The following PTPRD variants were observed in gnomAD, a reference collection of about 807,000 sequenced individuals.
PTPRD encodes the protein receptor-type tyrosine-protein phosphatase delta.
A neutral mutation model predicts 214.5 loss-of-function variants in PTPRD; 34 were observed. The ratio of observed to expected loss-of-function variants is 0.16; its 90% confidence interval spans 0.12 to 0.21. The LOEUF (loss-of-function observed/expected upper bound fraction) is 0.21. Ranked by LOEUF, PTPRD falls within the 10% of genes least tolerant of loss-of-function variation. The pLI is 1.00. For synonymous variants in PTPRD, 1,128 were observed against 845.7 expected (o/e 1.33, Z -5.79); for missense variants, 2,545 against 2,398.7 (o/e 1.06, Z -1.27).
intron 8 of PTPRD, among the ~76,000 whole-genome samples, chr9:9,430,952 A>G (rs1430324473): frequency 6.6e-6 from 1 of 152,238 alleles, no homozygotes; most frequent in East Asian, 1.9e-4. Context: ...TAAAAATCTT[A>G]GAAGAAAACC....
intron 2 of PTPRD, among the ~76,000 whole-genome samples, chr9:10,549,276 T>A (rs2060798877): frequency 6.6e-6 from 1 of 152,182 alleles, no homozygotes; most frequent in Non-Finnish European, 1.5e-5. Context: ...AATAACCCTG[T>A]TAGACTTCTA....
rs542334399 is a variant in PTPRD at position 10,430,090 on chromosome 9, C to T, written c.-599-89073G>A. ...TTAAGAGTTATGTTCTCCATAAATG[C>T]CTCAGCTTGAGTAAATGTAGAACAA... On this transcript the variant is annotated intron_variant, in intron 2 of 45. Transcript: ENST00000381196. Among the ~76,000 whole-genome samples, 20 of 151,922 alleles carry T rather than the reference C, an allele frequency of 1.3e-4. No homozygotes were observed. In the South Asian group the frequency reaches 3.3e-3, roughly 25 times the overall value.
intron 5 of PTPRD, among the ~76,000 whole-genome samples, chr9:9,772,246 G>A (rs1356624508): frequency 6.6e-6 from 1 of 152,040 alleles, no homozygotes; most frequent in Non-Finnish European, 1.5e-5. Flanking sequence ...ACGAGACAAG[G>A]AGAAAGACTC....
chr9:8,822,559 G>C (rs1016323887), intron 11 of PTPRD, among the ~76,000 whole-genome samples: 3 of 152,184 alleles, frequency 2.0e-5, no homozygotes, highest in Non-Finnish European at 4.4e-5. Context: ...TACCACAGGA[G>C]AAGGGATGAT....
Position 9,541,734 on chromosome 9 carries a change from G to A in PTPRD, c.-237+32998C>T, listed in dbSNP as rs1207370779. 1.1e-4 allele frequency among the ~76,000 whole-genome samples: 17 copies of A among 151,974 alleles called. No homozygotes were observed. The East Asian group carries it at 2.3e-3, about 21-fold the overall frequency. On this transcript the variant is annotated intron_variant, in intron 8 of 45. Coordinates refer to ENST00000381196, the MANE Select transcript of PTPRD (RefSeq NM_002839.4). ...CTGATGGCTAGGACAGAATAGAAGA[G>A]CTAAGAATGTTTCCACTGAGGCACG...
intron 8 of PTPRD, among the ~76,000 whole-genome samples, chr9:9,402,959 A>G (rs1049456041): frequency 1.7e-5 from 2 of 115,508 alleles, no homozygotes; most frequent in Admixed American, 9.1e-5. Flanking sequence ...CATTTGTCTA[A>G]TAGGGAGAAA....
At chr9:9,614,077 T>C (rs1475573508) in intron 7 of PTPRD, among the ~76,000 whole-genome samples, 1 of 152,016 alleles carries the variant, frequency 6.6e-6, no homozygotes, top group African/African-American at 2.4e-5. Context: ...ATATAATAAA[T>C]AATCAATTGT....
rs3075574 is a variant in PTPRD at position 10,182,259 on chromosome 9, C to CAAAAAA, written c.-544-148475_-544-148470dup. Among the ~76,000 whole-genome samples the CAAAAAA allele has an allele frequency of 9.1e-4, 49 of 54,022 alleles. 1 individual carries two copies. Among genetic ancestry groups the CAAAAAA allele is most frequent in the African/African-American group, 2.4e-3 (30 of 12,314 alleles). 35.4% of individuals were successfully genotyped at this position (54,022 alleles called of 152,430 possible). ...TGGGCAGCACAGTGAGACTCTGCCT[C>CAAAAAA]AAAAAAAAAAAAAAAAAAAAGAAAA... On this transcript the variant is annotated intron_variant, in intron 3 of 45. Coordinates refer to ENST00000381196, the MANE Select transcript of PTPRD (RefSeq NM_002839.4).
chr9:10,075,755 GTA>G (rs2154184150), intron 3 of PTPRD, among the ~76,000 whole-genome samples: 1 of 152,020 alleles, frequency 6.6e-6, no homozygotes, highest in East Asian at 1.9e-4. Context: ...CAGGATCTTT[GTA>G]AAATTGAAGC....
chr9:9,978,805 A>G lies in PTPRD; in HGVS notation c.-471-40195T>C, dbSNP rs75073314. On this transcript the variant is annotated intron_variant, in intron 4 of 45. Coordinates refer to ENST00000381196, the MANE Select transcript of PTPRD (RefSeq NM_002839.4). ...ACAAAATAAACACAGATCGAAGAGTACAGGTACACACTGAGATACATCTCA... is the reference window on the plus strand; with the variant it reads ...ACAAAATAAACACAGATCGAAGAGTGCAGGTACACACTGAGATACATCTCA... Among the ~76,000 whole-genome samples the G allele has an allele frequency of 7.3e-3, 1,110 of 152,194 alleles. 20 individuals are homozygous for G. The highest frequency in any genetic ancestry group is 0.025 in the African/African-American group (1,034 of 41,554).
intron 2 of PTPRD, among the ~76,000 whole-genome samples, chr9:10,516,030 G>T (rs908619273): frequency 1.2e-4 from 19 of 152,020 alleles, no homozygotes; most frequent in Admixed American, 1.2e-3. Context: ...GAGATGCAGT[G>T]TACATGGTAG....
At chr9:8,966,787 A>G (rs1249950216) in intron 11 of PTPRD, among the ~76,000 whole-genome samples, 5 of 152,190 alleles carry the variant, frequency 3.3e-5, no homozygotes, top group Admixed American at 2.6e-4. Flanking sequence ...GCTTATGCAC[A>G]GCAAAAGAAA....
At chr9:9,999,192 G>C (rs1327187498) in intron 4 of PTPRD, among the ~76,000 whole-genome samples, 1 of 152,148 alleles carries the variant, frequency 6.6e-6, no homozygotes, top group African/African-American at 2.4e-5. Flanking sequence ...GCTGGGAAAG[G>C]CCCGACACTG....
chr9:8,699,437 C>G (rs1054099480), intron 12 of PTPRD, among the ~76,000 whole-genome samples: 1 of 152,018 alleles, frequency 6.6e-6, no homozygotes, highest in Non-Finnish European at 1.5e-5. Flanking sequence ...GACATTTTTC[C>G]CCCATATCCC....
At chr9:9,360,256 A>G (rs536358716) in intron 9 of PTPRD, among the ~76,000 whole-genome samples, 1,293 of 86,526 alleles carry the variant, frequency 0.015, 6 homozygotes, top group Non-Finnish European at 0.019. Context: ...AATAGATGGG[A>G]AAAAAAAAAA....
At chr9:9,210,475 T>C (rs1465405644) in intron 9 of PTPRD, among the ~76,000 whole-genome samples, 1 of 152,224 alleles carries the variant, frequency 6.6e-6, no homozygotes, top group Non-Finnish European at 1.5e-5. Flanking sequence ...GCCTACTCCT[T>C]TGTTTTCTTG....
At chr9:9,943,873 G>A (rs537327330) in intron 4 of PTPRD, among the ~76,000 whole-genome samples, 1 of 152,184 alleles carries the variant, frequency 6.6e-6, no homozygotes, top group South Asian at 2.1e-4. Flanking sequence ...GCTAGCCCCA[G>A]CTCTCATCCC....
chr9:10,573,081 A>G (rs1297701564), intron 2 of PTPRD, among the ~76,000 whole-genome samples: 1 of 152,156 alleles, frequency 6.6e-6, no homozygotes, highest in Non-Finnish European at 1.5e-5. Context: ...CAACAGAATT[A>G]GCAGATACCT....
intron 2 of PTPRD, among the ~76,000 whole-genome samples, chr9:10,358,693 A>G (rs981263490): frequency 2.0e-5 from 3 of 151,894 alleles, no homozygotes; most frequent in Non-Finnish European, 4.4e-5. Context: ...AAGTACACAT[A>G]TATATATAAA....
Sources: gnomAD v4.1 joint callset for allele counts (sites outside exome capture counted in the v4.1 genomes callset) on GRCh38, gnomAD v4.1.1 for gene constraint, MANE v1.5 for transcripts, NCBI Gene and HGNC (gene_info 2026-07-23, HGNC 2026-07-21) for gene names.